The following KIAA1217 variants were observed in gnomAD, a reference collection of about 807,000 sequenced individuals.
KIAA1217 encodes the protein sickle tail protein homolog.
Under a neutral mutation model 163.9 loss-of-function variants are expected in KIAA1217, and 88 were observed. That is an observed-to-expected ratio of 0.54 (90% CI 0.45 to 0.64). The LOEUF (loss-of-function observed/expected upper bound fraction) is 0.64. Among genes scored for constraint, KIAA1217 ranks in the 30% least tolerant of loss-of-function variants. The pLI is 0.00. For missense variants in KIAA1217, 2,372 were observed against 2,475.0 expected, an observed-to-expected ratio of 0.96 and a Z score of 0.88; for synonymous variants, 903 against 923.1, an observed-to-expected ratio of 0.98 and a Z score of 0.39.
chr10:24,017,773 C>T (rs1273005283), intron 2 of KIAA1217, among the ~76,000 whole-genome samples: 9 of 152,066 alleles, frequency 5.9e-5, no homozygotes, highest in African/African-American at 2.2e-4. Flanking sequence ...TTACCTTTTG[C>T]TTGTGACCCA....
chr10:24,011,792 G>A (rs10764444), intron 2 of KIAA1217, among the ~76,000 whole-genome samples: 14,722 of 152,148 alleles, frequency 0.097, 888 homozygotes, highest in African/African-American at 0.17. Context: ...TGGGTTGACA[G>A]TCAGCATGTT....
At chr10:23,976,185 T>C (rs1845533632) in intron 1 of KIAA1217, among the ~76,000 whole-genome samples, 1 of 152,178 alleles carries the variant, frequency 6.6e-6, no homozygotes, top group Non-Finnish European at 1.5e-5. Flanking sequence ...CACTTTTTGA[T>C]GAAGAATCGA....
At position 24,369,179 on chromosome 10, in the gene KIAA1217, A is replaced by ATGTGTGTGTGTGTGTG. The variant is rs59687010; in HGVS notation, c.355-11666_355-11651dup. ...CAGAAAGCTAGTTAGAACTTTCACT[A>ATGTGTGTGTGTGTGTG]TGTGTGTGTGTGTGTGTGTGTGTGT... On this transcript the variant is annotated intron_variant, in intron 2 of 20. Coordinates refer to ENST00000376454, the MANE Select transcript of KIAA1217 (RefSeq NM_019590.5). Among the ~76,000 whole-genome samples, 268 of 139,630 alleles carry ATGTGTGTGTGTGTGTG rather than the reference A, an allele frequency of 1.9e-3. 1 individual carries two copies. The highest frequency in any genetic ancestry group is 3.8e-3 in the East Asian group (18 of 4,752). The allele number at this position is 139,630 out of a possible 152,430, so 91.6% of individuals were successfully genotyped here.
chr10:24,250,612 TTGTA>T (rs1365112486), intron 2 of KIAA1217, among the ~76,000 whole-genome samples: 2 of 72 alleles, frequency 0.028, no homozygotes, highest in Admixed American at 0.17. Flanking sequence ...TTTTTTTTTT[TTGTA>T]TTGTTAATAG....
intron 1 of KIAA1217, among the ~76,000 whole-genome samples, chr10:23,766,050 TA>T (rs1476956228): frequency 6.6e-6 from 1 of 152,214 alleles, no homozygotes; most frequent in African/African-American, 2.4e-5. Context: ...TGGCTAATAC[TA>T]ATAACAAGGT....
At chr10:23,833,479 TAA>T (rs1278632576) in intron 1 of KIAA1217, among the ~76,000 whole-genome samples, 6 of 124,652 alleles carry the variant, frequency 4.8e-5, no homozygotes, top group Non-Finnish European at 6.9e-5. Flanking sequence ...TGAGACTGTC[TAA>T]AAAAAAAAAA....
chr10:24,191,261 T>TATTTACTC (rs1564809560), intron 2 of KIAA1217, among the ~76,000 whole-genome samples: 1 of 152,200 alleles, frequency 6.6e-6, no homozygotes, highest in African/African-American at 2.4e-5. Context: ...CTATTTAATG[T>TATTTACTC]GATTTAAAGA....
chr10:24,382,268 G>A lies in KIAA1217; in HGVS notation c.553+1201G>A, dbSNP rs1285468432. On this transcript the variant is annotated intron_variant, in intron 3 of 20. Coordinates refer to ENST00000376454, the MANE Select transcript of KIAA1217 (RefSeq NM_019590.5). ...TGCAAAAGCCTTCAGAGTCTAGCAC[G>A]TGCAAAAGACAGCTGAACTCTGCCA... is the stretch of plus-strand genomic sequence containing the variant. Among the ~76,000 whole-genome samples, 81 of 152,032 alleles carry A rather than the reference G, an allele frequency of 5.3e-4. 1 individual carries two copies. Among genetic ancestry groups the A allele is most frequent in the African/African-American group, 4.8e-5 (2 of 41,372 alleles).
chr10:23,919,364 G>T (rs1009642439), intron 1 of KIAA1217, among the ~76,000 whole-genome samples: 3 of 151,874 alleles, frequency 2.0e-5, no homozygotes, highest in Admixed American at 2.0e-4. Context: ...CCAGCACTTT[G>T]GGAGGCCGAG....
intron 2 of KIAA1217, among the ~76,000 whole-genome samples, chr10:24,184,030 C>T (rs750823391): frequency 6.6e-6 from 1 of 152,230 alleles, no homozygotes; most frequent in South Asian, 2.1e-4. Context: ...TTCTGAGTGA[C>T]ACTCACACTT....
chr10:24,291,247 G>A (rs377739953), intron 2 of KIAA1217, among the ~76,000 whole-genome samples: 36 of 152,120 alleles, frequency 2.4e-4, no homozygotes, highest in Non-Finnish European at 3.5e-4. Context: ...TCACTCAATC[G>A]GCTGGGCATG....
chr10:23,987,281 G>A lies in KIAA1217; in HGVS notation c.-320-19944G>A, dbSNP rs564449076. ...AGTCCCAGCTACTCCGGAGGCTGAG[G>A]CAGGAGAATGGCGTGAACCCGGGAG... On this transcript the variant is annotated intron_variant, in intron 1 of 18. Transcript: ENST00000376462. Among the ~76,000 whole-genome samples, 5 of 150,408 alleles carry A rather than the reference G, an allele frequency of 3.3e-5. No homozygotes were observed. The South Asian group carries it at 1.1e-3, about 32-fold the overall frequency.
At chr10:24,072,770 C>T (rs1274609069) in intron 2 of KIAA1217, among the ~76,000 whole-genome samples, 1 of 152,094 alleles carries the variant, frequency 6.6e-6, no homozygotes, top group Admixed American at 6.5e-5. Context: ...ATCAAGGTAA[C>T]TCTGGAAGCA....
At chr10:23,855,746 C>A (rs145144110) in intron 1 of KIAA1217, among the ~76,000 whole-genome samples, 3,635 of 152,202 alleles carry the variant, frequency 0.024, 153 homozygotes, top group African/African-American at 0.082. Context: ...TTCCTTCTCG[C>A]TTCATTTCAT....
At chr10:24,112,332 C>T (rs1374603920) in intron 2 of KIAA1217, among the ~76,000 whole-genome samples, 1 of 152,126 alleles carries the variant, frequency 6.6e-6, no homozygotes, top group African/African-American at 2.4e-5. Context: ...GTTCAACCAC[C>T]CAGGAACAGA....
At chr10:24,186,673 C>T (rs2066445950) in intron 2 of KIAA1217, among the ~76,000 whole-genome samples, 1 of 152,050 alleles carries the variant, frequency 6.6e-6, no homozygotes, top group African/African-American at 2.4e-5. Context: ...GGCAGATCAC[C>T]TGAGGTCAGG....
intron 2 of KIAA1217, among the ~76,000 whole-genome samples, chr10:24,017,247 A>C (rs1442438403): frequency 6.6e-6 from 1 of 151,818 alleles, no homozygotes; most frequent in Non-Finnish European, 1.5e-5. Flanking sequence ...TTTTGTAGAG[A>C]CAGGATCTTG....
At chr10:23,701,805 T>C (rs1401906338) in intron 1 of KIAA1217, among the ~76,000 whole-genome samples, 3 of 152,314 alleles carry the variant, frequency 2.0e-5, no homozygotes, top group Non-Finnish European at 4.4e-5. Context: ...TGCGTGTACG[T>C]GTTAAAGTTT....
intron 1 of KIAA1217, among the ~76,000 whole-genome samples, chr10:23,924,547 T>C (rs953616916): frequency 6.6e-6 from 1 of 152,170 alleles, no homozygotes; most frequent in African/African-American, 2.4e-5. Flanking sequence ...AAGGTCACCT[T>C]ATTTGTCCTG....
Sources: gnomAD v4.1 joint callset for allele counts (sites outside exome capture counted in the v4.1 genomes callset) on GRCh38, gnomAD v4.1.1 for gene constraint, MANE v1.5 for transcripts, NCBI Gene and HGNC (gene_info 2026-07-23, HGNC 2026-07-21) for gene names.